The following RORA variants were observed in gnomAD, a reference collection of about 807,000 sequenced individuals.
RORA encodes RAR related orphan receptor A.
In RORA, 7 loss-of-function variants were observed where a neutral mutation model predicts 69.5. The ratio of observed to expected loss-of-function variants is 0.10; its 90% CI spans 0.06 to 0.19. The LOEUF is 0.19. Among genes scored for constraint, RORA ranks in the 10% least tolerant of loss-of-function variants. RORA has a pLI of 1.00. For missense variants in RORA, 457 were observed against 663.0 expected (o/e 0.69, Z 3.41); for synonymous variants, 261 against 240.8 (o/e 1.08, Z -0.78).
chr15:60,649,804 C>T (rs750823382), intron 2 of RORA, among the ~76,000 whole-genome samples: 4 of 152,042 alleles, frequency 2.6e-5, no homozygotes, highest in African/African-American at 7.2e-5. Context: ...ACCAATAGAC[C>T]CCTCAAAAAG....
chr15:61,046,454 C>G, intron 1 of RORA, among the ~76,000 whole-genome samples: 1 of 152,028 alleles, frequency 6.6e-6, no homozygotes, highest in Non-Finnish European at 1.5e-5. Context: ...GGAAGGTGGT[C>G]GTGGGCACAT....
intron 1 of RORA, among the ~76,000 whole-genome samples, chr15:60,845,264 C>A (rs1375637036): frequency 6.6e-6 from 1 of 152,158 alleles, no homozygotes; most frequent in African/African-American, 2.4e-5. Context: ...ATTGATTTAT[C>A]GGTGTGTGTC....
At chr15:60,499,116 T>C (rs549788342) in intron 10 of RORA, among the ~76,000 whole-genome samples, 1 of 152,266 alleles carries the variant, frequency 6.6e-6, no homozygotes, top group African/African-American at 2.4e-5. Flanking sequence ...GATGGGAAAT[T>C]GACAAAAATG....
intron 1 of RORA, among the ~76,000 whole-genome samples, chr15:61,108,621 GCTA>G (rs1267921324): frequency 2.0e-5 from 3 of 152,164 alleles, no homozygotes; most frequent in Admixed American, 6.5e-5. Context: ...GTAGACCTTT[GCTA>G]CTACTAAACC....
At chr15:60,582,453 A>G (rs1034204662) in intron 2 of RORA, among the ~76,000 whole-genome samples, 4 of 152,242 alleles carry the variant, frequency 2.6e-5, no homozygotes, top group African/African-American at 9.6e-5. Flanking sequence ...AACTTTAAAA[A>G]CAGGGAAAGT....
At chr15:60,591,905 C>T (rs2068527545) in intron 2 of RORA, among the ~76,000 whole-genome samples, 2 of 151,980 alleles carry the variant, frequency 1.3e-5, no homozygotes, top group African/African-American at 4.8e-5. Flanking sequence ...GCTGACCAGT[C>T]CCCGGGGATG....
chr15:61,097,815 A>G (rs2078813461), intron 1 of RORA, among the ~76,000 whole-genome samples: 1 of 152,184 alleles, frequency 6.6e-6, no homozygotes, highest in African/African-American at 2.4e-5. Context: ...TTCCCAATGT[A>G]CCATTGCAGC....
At chr15:60,688,308 A>G (rs990435344) in intron 1 of RORA, among the ~76,000 whole-genome samples, 4 of 152,164 alleles carry the variant, frequency 2.6e-5, no homozygotes, top group African/African-American at 9.6e-5. Context: ...CACCAAATTA[A>G]TGAGAGTGAT....
At position 60,742,426 on chromosome 15, in the gene RORA, A is replaced by C. The variant is rs115596989; in HGVS notation, c.167-63740T>G. 4.2e-3 allele frequency among the ~76,000 whole-genome samples: 638 copies of C among 152,334 alleles called. 5 individuals are homozygous for C. The highest frequency in any genetic ancestry group is 0.015 in the African/African-American group (612 of 41,576). On this transcript the variant is annotated intron_variant, in intron 1 of 10. Transcript: ENST00000335670. ...ACAACATATTTTGATATATGTATAC[A>C]CAGTCGAATGGCAAAATCACAGCAA...
chr15:61,035,824 G>C (rs1896431558), intron 1 of RORA, among the ~76,000 whole-genome samples: 1 of 152,210 alleles, frequency 6.6e-6, no homozygotes, highest in Non-Finnish European at 1.5e-5. Flanking sequence ...GAGAGATACA[G>C]AGAAAAGAGG....
At chr15:60,842,288 G>C (rs933257215) in intron 1 of RORA, among the ~76,000 whole-genome samples, 2 of 152,070 alleles carry the variant, frequency 1.3e-5, no homozygotes, top group African/African-American at 2.4e-5. Flanking sequence ...CATCCCTGCA[G>C]GAATATCTTC....
intron 2 of RORA, chr15:60,592,264 C>T: frequency 1.6e-6 from 1 of 625,134 alleles, no homozygotes; most frequent in Non-Finnish European, 2.2e-6. Context: ...GCAGGGCCCC[C>T]GCGCCGAGCC....
chr15:60,911,331 G>A (rs1891709373), intron 1 of RORA, among the ~76,000 whole-genome samples: 1 of 152,054 alleles, frequency 6.6e-6, no homozygotes, highest in Non-Finnish European at 1.5e-5. Context: ...GCCTGGACTA[G>A]TCTTCAACAC....
chr15:60,629,150 A>G (rs886727530), intron 2 of RORA, among the ~76,000 whole-genome samples: 2 of 144,714 alleles, frequency 1.4e-5, no homozygotes, highest in Non-Finnish European at 3.0e-5. Flanking sequence ...TGTTTTCTTC[A>G]TAGCTTTTCG....
intron 1 of RORA, among the ~76,000 whole-genome samples, chr15:61,091,748 G>A (rs555109261): frequency 2.4e-4 from 36 of 152,304 alleles, no homozygotes; most frequent in Non-Finnish European, 1.2e-4. Context: ...CTAGTAGTGC[G>A]TTGGGCTGCT....
intron 1 of RORA, among the ~76,000 whole-genome samples, chr15:61,012,369 T>C (rs1375592781): frequency 2.0e-5 from 3 of 152,202 alleles, no homozygotes; most frequent in Admixed American, 6.5e-5. Context: ...ATCACAAGTC[T>C]CACAAACACT....
intron 1 of RORA, among the ~76,000 whole-genome samples, chr15:61,008,464 G>A (rs890912843): frequency 1.3e-5 from 2 of 152,098 alleles, no homozygotes; most frequent in African/African-American, 2.4e-5. Flanking sequence ...GCATGAACAG[G>A]AATGAGCACA....
chr15:60,778,364 C>A (rs555239794), intron 1 of RORA, among the ~76,000 whole-genome samples: 1 of 152,224 alleles, frequency 6.6e-6, no homozygotes, highest in Non-Finnish European at 1.5e-5. Context: ...GGGCACCCCC[C>A]ACTGAGTTCC....
At chr15:61,193,089 C>G (rs1255873428) in intron 1 of RORA, among the ~76,000 whole-genome samples, 1 of 149,450 alleles carries the variant, frequency 6.7e-6, no homozygotes, top group Non-Finnish European at 1.5e-5. Flanking sequence ...ATCTTTCAAA[C>G]TCCCAATAGG....
Sources: gnomAD v4.1 joint callset for allele counts (sites outside exome capture counted in the v4.1 genomes callset) on GRCh38, gnomAD v4.1.1 for gene constraint, MANE v1.5 for transcripts, NCBI Gene and HGNC (gene_info 2026-07-23, HGNC 2026-07-21) for gene names.